Variants in CDIP1 observed in about 807,000 individuals in gnomAD.
The protein encoded by CDIP1 is cell death inducing p53 target 1.
A neutral mutation model predicts 17.7 loss-of-function variants in CDIP1; 9 were observed. That is an observed-to-expected ratio of 0.51 (90% CI 0.31 to 0.89). The LOEUF is 0.89. Ranked by LOEUF, CDIP1 falls within the 40% of genes least tolerant of loss-of-function variation. The pLI is 0.05. For synonymous variants in CDIP1, 117 were observed against 109.5 expected, an observed-to-expected ratio of 1.07 and a Z score of -0.43; for missense variants, 263 against 277.9, an observed-to-expected ratio of 0.95 and a Z score of 0.38.
At chr16:4,521,818 C>G (rs1462432301) in intron 1 of CDIP1, among the ~76,000 whole-genome samples, 2 of 151,938 alleles carry the variant, frequency 1.3e-5, no homozygotes, top group East Asian at 3.9e-4. Context: ...GTTTCTTCCT[C>G]TGTAAACAGA....
chr16:4,514,110 AG>A lies in CDIP1; in HGVS notation c.20del (p.Pro7LeufsTer29). 6.5e-7 allele frequency: 1 copy of A among 1,546,788 alleles called. No individual in the cohort carries two copies. Among genetic ancestry groups the A allele is most frequent in the Non-Finnish European group, 8.6e-7 (1 of 1,157,194 alleles). On this transcript the variant is annotated frameshift_variant, in exon 3 of 6. Coordinates refer to ENST00000567695, the MANE Select transcript of CDIP1 (RefSeq NM_013399.3). LOFTEE classifies it high-confidence loss of function. The surrounding 1 kb of genome is among the most constrained non-coding windows in gnomAD (Gnocchi z 5.2). MSSEPP[P>X]PYPGGPTAPL... is the part of the protein sequence containing the mutation. ...GGGCTGTGGGGCCCCCAGGATAAGG[AG>A]GGGGAGGCTCGCTGGACATCTTCGC...
chr16:4,514,145 C>A lies in CDIP1; in HGVS notation c.-14-1G>T. The A allele has an allele frequency of 6.6e-7, 1 of 1,521,746 alleles. No homozygotes were observed. Among genetic ancestry groups the A allele is most frequent in the African/African-American group, 1.4e-5 (1 of 69,724 alleles). 94.3% of individuals were successfully genotyped at this position (1,521,746 alleles called of 1,614,324 possible). A position where few individuals can be genotyped will look rare whatever the true frequency, so the allele number is the denominator to read the frequency against. On this transcript the variant is annotated splice_acceptor_variant, in intron 2 of 5. Transcript: ENST00000567695. LOFTEE classifies it low-confidence loss of function (5UTR_SPLICE). The surrounding 1 kb of genome is among the most constrained non-coding windows in gnomAD (Gnocchi z 5.2). Reference sequence around the variant, plus strand: ...TCGCTGGACATCTTCGCTGCTTCTCCTGGACATGGAGGGAAAACCCAGACA... The same window carrying A: ...TCGCTGGACATCTTCGCTGCTTCTCATGGACATGGAGGGAAAACCCAGACA...
intron 1 of CDIP1, chr16:4,536,881 G>C (rs1028111624): frequency 6.6e-6 from 1 of 151,932 alleles, no homozygotes; most frequent in Non-Finnish European, 1.5e-5. Context: ...AGTGAACGTC[G>C]TGACGGCACC....
intron 1 of CDIP1, among the ~76,000 whole-genome samples, chr16:4,521,924 C>T (rs965044577): frequency 2.0e-5 from 3 of 152,114 alleles, no homozygotes; most frequent in Non-Finnish European, 2.9e-5. Flanking sequence ...CACACAATGA[C>T]GCTAAATAAA....
At chr16:4,537,216 G>A (rs953889552) in intron 1 of CDIP1, among the ~76,000 whole-genome samples, 2 of 152,162 alleles carry the variant, frequency 1.3e-5, no homozygotes, top group African/African-American at 2.4e-5. Context: ...ACTGCTGGTT[G>A]GACAAATATG....
rs1325691200 is a variant in CDIP1 at position 4,512,652 on chromosome 16, G to A, written c.547C>T (p.Leu183Phe). 1.2e-6 allele frequency: 2 copies of A among 1,613,954 alleles called. No individual in the cohort carries two copies. Among genetic ancestry groups the A allele is most frequent in the Non-Finnish European group, 1.7e-6 (2 of 1,179,872 alleles). Residue 183 changes from leucine to phenylalanine, a missense_variant, in exon 6 of 6, where the codon CTC becomes TTC. Leu to Phe is a conservative substitution (Grantham distance 22). Coordinates refer to ENST00000567695, the MANE Select transcript of CDIP1 (RefSeq NM_013399.3). This position sits in a 1 kb window ranked among gnomAD's most constrained non-coding sequence, Gnocchi z 4.6. Reference protein sequence around the residue: ...CDLGCCLIPCLINDFKDVTHT... With the variant: ...CDLGCCLIPCFINDFKDVTHT... ...GTCACATCCTTGAAGTCATTGATGAGGCAGGGGATCAGGCAGCAGCCCAGA... is the reference window on the plus strand; with the variant it reads ...GTCACATCCTTGAAGTCATTGATGAAGCAGGGGATCAGGCAGCAGCCCAGA...
At chr16:4,535,585 G>C (rs1342852612) in intron 1 of CDIP1, among the ~76,000 whole-genome samples, 6 of 152,378 alleles carry the variant, frequency 3.9e-5, no homozygotes, top group African/African-American at 1.4e-4. Context: ...GACGCGGCCA[G>C]CAAGGCCTGT....
At chr16:4,517,424 A>C (rs557576851) in intron 1 of CDIP1, among the ~76,000 whole-genome samples, 3 of 152,098 alleles carry the variant, frequency 2.0e-5, no homozygotes, top group Non-Finnish European at 4.4e-5. Context: ...GTGAATTCCA[A>C]TGGCACAGGG....
chr16:4,537,736 G>A (rs962166716), intron 1 of CDIP1, among the ~76,000 whole-genome samples: 3 of 152,224 alleles, frequency 2.0e-5, no homozygotes, highest in Admixed American at 2.0e-4. Flanking sequence ...AAGAGCCCCA[G>A]GTGGTTCTGA....
intron 1 of CDIP1, among the ~76,000 whole-genome samples, chr16:4,528,986 T>C (rs2141654361): frequency 6.6e-6 from 1 of 151,988 alleles, no homozygotes; most frequent in African/African-American, 2.4e-5. Context: ...CGAAACTCCA[T>C]CTCAAAAAAA....
At chr16:4,527,475 A>T (rs1013173833) in intron 1 of CDIP1, among the ~76,000 whole-genome samples, 5 of 152,210 alleles carry the variant, frequency 3.3e-5, no homozygotes, top group African/African-American at 1.2e-4. Context: ...GGCCTCTAGG[A>T]ACTATGATGA....
In CDIP1 at chr16:4,514,481, A is replaced by G. The variant is rs529645250; in HGVS notation, c.-15+94T>C. 1 of 273,268 alleles carries G rather than the reference A, an allele frequency of 3.7e-6. No homozygotes were observed. The highest frequency in any genetic ancestry group is 7.2e-5 in the East Asian group (1 of 13,850). 16.9% of individuals were successfully genotyped at this position (273,268 alleles called of 1,614,324 possible). A position where few individuals can be genotyped will look rare whatever the true frequency, so the allele number is the denominator to read the frequency against. On this transcript the variant is annotated intron_variant, in intron 2 of 5. Transcript: ENST00000567695. The surrounding 1 kb of genome is among the most constrained non-coding windows in gnomAD (Gnocchi z 5.2). ...TTGGCACCGAGCTCTCCCCTCCCCA[A>G]ACGTTTAGCGGGCACTAAGGCAGTC...
chr16:4,527,070 G>GA (rs2059008405), intron 1 of CDIP1, among the ~76,000 whole-genome samples: 2 of 149,838 alleles, frequency 1.3e-5, no homozygotes, highest in Admixed American at 6.6e-5. Flanking sequence ...AAGTACACGA[G>GA]AAAAAAGAAG....
Position 4,513,955 on chromosome 16 carries a change from C to G in CDIP1, c.85+91G>C, listed in dbSNP as rs1009815576. 1.8e-5 allele frequency: 25 copies of G among 1,366,910 alleles called. No individual in the cohort carries two copies. Among genetic ancestry groups the G allele is most frequent in the African/African-American group, 5.9e-5 (4 of 67,426 alleles). The allele number at this position is 1,366,910 out of a possible 1,614,324, so 84.7% of individuals were successfully genotyped here. On this transcript the variant is annotated intron_variant, in intron 3 of 5. Transcript: ENST00000567695. The surrounding 1 kb of genome is among the most constrained non-coding windows in gnomAD (Gnocchi z 4.1). ...GACACAGATGGGGCCCAGGGGTAAC[C>G]CTGGAGTGGGCATCACCACTTAGAG... is the stretch of plus-strand genomic sequence containing the variant.
chr16:4,518,879 G>A (rs944082785), intron 1 of CDIP1, among the ~76,000 whole-genome samples: 4 of 152,176 alleles, frequency 2.6e-5, no homozygotes, highest in African/African-American at 9.7e-5. Flanking sequence ...CAGCACCTCT[G>A]CTGTGGGAAG....
chr16:4,527,846 C>T (rs1444718471), intron 1 of CDIP1, among the ~76,000 whole-genome samples: 2 of 152,112 alleles, frequency 1.3e-5, no homozygotes, highest in African/African-American at 4.8e-5. Context: ...GATGGAGTCT[C>T]GCTCTTGTTG....
intron 1 of CDIP1, among the ~76,000 whole-genome samples, chr16:4,537,620 C>A (rs903945990): frequency 6.6e-6 from 1 of 152,226 alleles, no homozygotes; most frequent in Non-Finnish European, 1.5e-5. Context: ...CCCAGCTGCG[C>A]CCGGGAATGA....
chr16:4,515,007 CAG>C (rs2058875157), intron 1 of CDIP1: 2 of 152,546 alleles, frequency 1.3e-5, no homozygotes, highest in Non-Finnish European at 2.9e-5. Context: ...AGGTGGGGGT[CAG>C]GGGGAAGAAG....
chr16:4,524,757 G>C (rs372473819), intron 1 of CDIP1, among the ~76,000 whole-genome samples: 5 of 152,160 alleles, frequency 3.3e-5, no homozygotes, highest in Non-Finnish European at 1.5e-5. Flanking sequence ...TTGGTTTACT[G>C]GTTAATTATT....
Sources: allele counts gnomAD v4.1 joint callset (sites outside exome capture counted in the v4.1 genomes callset), GRCh38; gene constraint gnomAD v4.1.1; non-coding constraint Gnocchi (gnomAD v3.1); transcripts MANE v1.5; gene names NCBI Gene and HGNC (gene_info 2026-07-23, HGNC 2026-07-21).